DLG2: variants seen among roughly 807,000 people sequenced by gnomAD.
The protein encoded by DLG2 is disks large homolog 2.
Under a neutral mutation model 132.5 loss-of-function variants are expected in DLG2, and 45 were observed. That is an observed-to-expected ratio of 0.34 (90% CI 0.27 to 0.44). The LOEUF is 0.44. Among genes scored for constraint, DLG2 ranks in the 20% least tolerant of loss-of-function variants. DLG2 has a pLI of 1.00. For synonymous variants in DLG2, 424 were observed against 419.6 expected (o/e 1.01, Z -0.13); for missense variants, 1,045 against 1,196.9 (o/e 0.87, Z 1.87).
chr11:83,582,663 T>C (rs1333435043), intron 19 of DLG2, among the ~76,000 whole-genome samples: 1 of 152,242 alleles, frequency 6.6e-6, no homozygotes, highest in Non-Finnish European at 1.5e-5. Flanking sequence ...AAGTCTGCTA[T>C]AGGCCTTAGT....
intron 6 of DLG2, among the ~76,000 whole-genome samples, chr11:84,597,018 C>G (rs1416888594): frequency 6.6e-6 from 1 of 151,974 alleles, no homozygotes; most frequent in Non-Finnish European, 1.5e-5. Flanking sequence ...GTCAGGAGTT[C>G]AAGACTAGCC....
intron 3 of DLG2, among the ~76,000 whole-genome samples, chr11:85,484,160 C>T (rs1407152076): frequency 1.4e-5 from 2 of 144,396 alleles, no homozygotes; most frequent in Admixed American, 1.4e-4. Context: ...TCCGCGCAGT[C>T]CGCCCGGAGG....
chr11:83,554,468 A>C (rs1000202272), intron 19 of DLG2, among the ~76,000 whole-genome samples: 1 of 152,130 alleles, frequency 6.6e-6, no homozygotes, highest in Admixed American at 6.5e-5. Flanking sequence ...CATATGTAAA[A>C]CTCCTATATC....
At chr11:84,534,985 G>A (rs1190866872) in intron 6 of DLG2, among the ~76,000 whole-genome samples, 2 of 152,068 alleles carry the variant, frequency 1.3e-5, no homozygotes, top group African/African-American at 2.4e-5. Context: ...CTTTGTTTAT[G>A]AGCTACAGAA....
intron 4 of DLG2, among the ~76,000 whole-genome samples, chr11:85,250,881 A>C (rs2076365460): frequency 6.6e-6 from 1 of 152,258 alleles, no homozygotes; most frequent in African/African-American, 2.4e-5. Flanking sequence ...TTTAACTACA[A>C]ATGTTTAAGA....
intron 6 of DLG2, among the ~76,000 whole-genome samples, chr11:84,852,192 T>TCA: frequency 6.6e-6 from 1 of 152,044 alleles, no homozygotes; most frequent in Non-Finnish European, 1.5e-5. Context: ...TCAGAGCTAA[T>TCA]GAGCTGCAAC....
intron 6 of DLG2, among the ~76,000 whole-genome samples, chr11:84,922,467 C>T (rs565925654): frequency 9.2e-5 from 14 of 152,324 alleles, no homozygotes; most frequent in African/African-American, 3.1e-4. Flanking sequence ...TCATTAGCTA[C>T]AGCAAGTGAA....
intron 8 of DLG2, among the ~76,000 whole-genome samples, chr11:84,226,700 G>C (rs1003727404): frequency 6.6e-6 from 1 of 152,114 alleles, no homozygotes; most frequent in Non-Finnish European, 1.5e-5. Context: ...TTTACTACAA[G>C]TCTGTTTAAT....
chr11:85,395,560 C>A (rs866462250), intron 3 of DLG2, among the ~76,000 whole-genome samples: 4 of 152,182 alleles, frequency 2.6e-5, no homozygotes, highest in Admixed American at 1.3e-4. Flanking sequence ...CCAAATACTG[C>A]ACTTTTCCCA....
chr11:84,307,155 C>T (rs2098228507), intron 7 of DLG2, among the ~76,000 whole-genome samples: 2 of 152,128 alleles, frequency 1.3e-5, no homozygotes, highest in Admixed American at 6.5e-5. Flanking sequence ...TAACATGGAA[C>T]ACTATGCAGC....
intron 7 of DLG2, among the ~76,000 whole-genome samples, chr11:84,342,382 C>T (rs1214537973): frequency 6.6e-6 from 1 of 152,200 alleles, no homozygotes; most frequent in Non-Finnish European, 1.5e-5. Context: ...TGGTTCAAAG[C>T]TGAGCTTATT....
At chr11:84,519,140 T>A (rs1190693365) in intron 7 of DLG2, among the ~76,000 whole-genome samples, 2 of 152,148 alleles carry the variant, frequency 1.3e-5, no homozygotes, top group Admixed American at 6.5e-5. Context: ...ATTCTGAACC[T>A]GTCAATACCT....
chr11:85,026,604 G>C (rs367764681), intron 6 of DLG2, among the ~76,000 whole-genome samples: 3 of 152,104 alleles, frequency 2.0e-5, no homozygotes, highest in Admixed American at 2.0e-4. Context: ...TTAGGAGGCC[G>C]AGGCAGGAGG....
intron 7 of DLG2, among the ~76,000 whole-genome samples, chr11:84,479,879 C>G (rs190695486): frequency 1.1e-4 from 17 of 152,122 alleles, no homozygotes; most frequent in African/African-American, 3.9e-4. Flanking sequence ...TAAAGAGAAG[C>G]AATTATTTAT....
intron 11 of DLG2, among the ~76,000 whole-genome samples, chr11:84,010,982 C>A (rs1295521386): frequency 3.3e-5 from 5 of 152,090 alleles, no homozygotes; most frequent in Admixed American, 3.3e-4. Flanking sequence ...TAGTTCTAAT[C>A]ACAAACTATG....
At chr11:84,875,697 G>A (rs1156633360) in intron 6 of DLG2, among the ~76,000 whole-genome samples, 1 of 152,048 alleles carries the variant, frequency 6.6e-6, no homozygotes, top group Non-Finnish European at 1.5e-5. Flanking sequence ...AAAAAGAGGA[G>A]CAACTGGACC....
At chr11:83,880,677 A>T (rs781485391) in intron 15 of DLG2, among the ~76,000 whole-genome samples, 1 of 152,218 alleles carries the variant, frequency 6.6e-6, no homozygotes, top group Non-Finnish European at 1.5e-5. Flanking sequence ...CGGCTCTATT[A>T]ACAGAAGTGC....
intron 21 of DLG2, among the ~76,000 whole-genome samples, chr11:83,517,730 C>T (rs1211630899): frequency 1.3e-5 from 2 of 152,164 alleles, no homozygotes; most frequent in Non-Finnish European, 2.9e-5. Context: ...TGTTAGTTTT[C>T]CTTCTAACAG....
chr11:84,989,530 A>G (rs917417845), intron 6 of DLG2, among the ~76,000 whole-genome samples: 2 of 152,184 alleles, frequency 1.3e-5, no homozygotes, highest in Non-Finnish European at 2.9e-5. Context: ...AAAACTCAAC[A>G]TAGCACATCT....
Sources: gnomAD v4.1 joint callset for allele counts (sites outside exome capture counted in the v4.1 genomes callset) on GRCh38, gnomAD v4.1.1 for gene constraint, MANE v1.5 for transcripts, NCBI Gene and HGNC (gene_info 2026-07-23, HGNC 2026-07-21) for gene names.